ADAMTSL1: variants seen among roughly 807,000 people sequenced by gnomAD.
ADAMTSL1 encodes ADAMTS like 1.
Under a neutral mutation model 201.8 loss-of-function variants are expected in ADAMTSL1, and 126 were observed. The ratio of observed to expected loss-of-function variants is 0.62; its 90% CI spans 0.54 to 0.72. ADAMTSL1 has a LOEUF of 0.72. ADAMTSL1 is among the 30% of genes least tolerant of loss of function. The pLI, the probability that ADAMTSL1 is intolerant of heterozygous loss-of-function variation, is 0.00. For synonymous variants in ADAMTSL1, 1,121 were observed against 903.4 expected (o/e 1.24, Z -4.32); for missense variants, 2,679 against 2,277.8 (o/e 1.18, Z -3.59).
At chr9:17,986,232 A>C (rs73643484) in intron 1 of ADAMTSL1, among the ~76,000 whole-genome samples, 3,780 of 152,094 alleles carry the variant, frequency 0.025, 161 homozygotes, top group African/African-American at 0.087. Flanking sequence ...GTTTCTACTT[A>C]AGGTAAATTG....
intron 1 of ADAMTSL1, among the ~76,000 whole-genome samples, chr9:17,933,354 A>G (rs1826874400): frequency 1.3e-5 from 2 of 152,102 alleles, no homozygotes; most frequent in South Asian, 4.1e-4. Flanking sequence ...ACTCACCGGG[A>G]TAATCCAAGA....
chr9:18,628,042 C>CT (rs1826506426), intron 5 of ADAMTSL1, among the ~76,000 whole-genome samples: 2 of 152,130 alleles, frequency 1.3e-5, no homozygotes, highest in South Asian at 4.1e-4. Context: ...TCCATCATAG[C>CT]TTTTTTATTC....
intron 2 of ADAMTSL1, among the ~76,000 whole-genome samples, chr9:18,418,613 G>C (rs1176772549): frequency 6.6e-6 from 1 of 152,018 alleles, no homozygotes; most frequent in African/African-American, 2.4e-5. Flanking sequence ...GATAAAATGG[G>C]GAAAATGATA....
At chr9:18,873,259 T>C (rs534984387) in intron 23 of ADAMTSL1, among the ~76,000 whole-genome samples, 38 of 152,220 alleles carry the variant, frequency 2.5e-4, no homozygotes, top group Non-Finnish European at 5.3e-4. Context: ...TTCTGTTTAC[T>C]CTGCTGATTA....
intron 2 of ADAMTSL1, among the ~76,000 whole-genome samples, chr9:18,246,201 T>C (rs1265066495): frequency 2.0e-5 from 3 of 152,194 alleles, no homozygotes; most frequent in Admixed American, 6.5e-5. Context: ...TGCTTGGTGA[T>C]ACTGATATTG....
intron 1 of ADAMTSL1, among the ~76,000 whole-genome samples, chr9:17,952,451 A>G (rs768817123): frequency 6.6e-6 from 1 of 152,070 alleles, no homozygotes; most frequent in African/African-American, 2.4e-5. Flanking sequence ...CAGTTTACTA[A>G]CTAGTCTATC....
chr9:18,231,826 C>T (rs1229385352), intron 2 of ADAMTSL1, among the ~76,000 whole-genome samples: 1 of 152,170 alleles, frequency 6.6e-6, no homozygotes, highest in Non-Finnish European at 1.5e-5. Context: ...CTTGACTCTC[C>T]TTGGCCAGGC....
chr9:18,725,648 G>A (rs987223839), intron 15 of ADAMTSL1, among the ~76,000 whole-genome samples: 2 of 151,906 alleles, frequency 1.3e-5, no homozygotes, highest in Non-Finnish European at 2.9e-5. Context: ...AGGAATACAT[G>A]AATATTCTCA....
intron 2 of ADAMTSL1, among the ~76,000 whole-genome samples, chr9:18,457,769 T>C (rs552098769): frequency 3.9e-4 from 60 of 152,356 alleles, no homozygotes; most frequent in Admixed American, 1.6e-3. Flanking sequence ...GAGAAAGTGA[T>C]AATGCTTTTC....
chr9:18,745,263 T>C (rs1819065945), intron 15 of ADAMTSL1, among the ~76,000 whole-genome samples: 1 of 152,224 alleles, frequency 6.6e-6, no homozygotes, highest in South Asian at 2.1e-4. Context: ...TCCTTCTAGA[T>C]TATTAATAAG....
chr9:18,813,778 C>T (rs1196960636), intron 20 of ADAMTSL1, among the ~76,000 whole-genome samples: 7 of 152,152 alleles, frequency 4.6e-5, no homozygotes. Flanking sequence ...ATAACTTTTT[C>T]CTTTCCAATT....
chr9:18,816,671 A>G lies in ADAMTSL1; in HGVS notation c.3806-438A>G, dbSNP rs1025653401. 2.0e-4 allele frequency among the ~76,000 whole-genome samples: 29 copies of G among 146,604 alleles called. 1 individual carries two copies. The highest frequency in any genetic ancestry group is 2.1e-4 in the South Asian group (1 of 4,678). On this transcript the variant is annotated intron_variant, in intron 20 of 28. Coordinates refer to ENST00000380548, the MANE Select transcript of ADAMTSL1 (RefSeq NM_001040272.6). The stretch of plus-strand genomic sequence containing the variant: ...ATTTAATGATTAGAATGCATAAATC[A>G]TCTCAATTTGTATAACATGCTCTGT...
At chr9:18,226,169 GTT>G (rs1830429546) in intron 2 of ADAMTSL1, among the ~76,000 whole-genome samples, 1 of 152,040 alleles carries the variant, frequency 6.6e-6, no homozygotes, top group Non-Finnish European at 1.5e-5. Flanking sequence ...AATTAATTGT[GTT>G]TCTTTTTAAT....
At position 18,721,556 on chromosome 9, in the gene ADAMTSL1, A is replaced by C. The variant is rs768468094; in HGVS notation, c.1897A>C (p.Ser633Arg). ...CACAGGTGTCCAGGAGGCTGTGGTG[A>C]GCTGCTTGAACAAACAGACTCGGGA... ...CGGGVQEAVV[S>R]CLNKQTREPA... The change falls in exon 15 of 29, where the codon AGC becomes CGC. Residue 633 changes from serine (S) to arginine (R), a missense_variant. Transcript: ENST00000380548. 3 of 1,613,794 alleles carry C rather than the reference A, an allele frequency of 1.9e-6. No individual in the cohort carries two copies.
chr9:18,388,179 A>G (rs1837882063), intron 2 of ADAMTSL1, among the ~76,000 whole-genome samples: 1 of 151,224 alleles, frequency 6.6e-6, no homozygotes, highest in African/African-American at 2.4e-5. Flanking sequence ...AGATATCTGG[A>G]TTTTGTTATT....
Position 18,777,723 on chromosome 9 carries a change from C to T in ADAMTSL1, c.3494C>T (p.Thr1165Ile), listed in dbSNP as rs989557568. 5.6e-6 allele frequency: 9 copies of T among 1,613,410 alleles called. No individual in the cohort carries two copies. Among genetic ancestry groups the T allele is most frequent in the Non-Finnish European group, 6.8e-6 (8 of 1,179,730 alleles). Reference protein sequence around the residue: ...GGSRRPHRKPTILRKISAAQQ... With the variant: ...GGSRRPHRKPIILRKISAAQQ... ...TCTCGAAGGCCACACCGCAAGCCCACCATCCTGCGCAAGATCTCAGCGGCC... is the reference window on the plus strand; with the variant it reads ...TCTCGAAGGCCACACCGCAAGCCCATCATCCTGCGCAAGATCTCAGCGGCC... The change falls in exon 19 of 29, where the codon ACC (threonine) becomes ATC (isoleucine). Residue 1165 changes from threonine (T) to isoleucine (I), a missense_variant. Transcript: ENST00000380548.
chr9:18,182,075 G>A (rs1563791352), intron 2 of ADAMTSL1, among the ~76,000 whole-genome samples: 1 of 150,912 alleles, frequency 6.6e-6, no homozygotes. Flanking sequence ...ACTCATAGGT[G>A]GGAATTGAGC....
rs554296159 is a variant in ADAMTSL1, at chr9:17,930,328, G to T, written c.87+23406G>T. On this transcript the variant is annotated intron_variant, in intron 1 of 29. Coordinates refer to the ADAMTSL1 transcript ENST00000680146. ...TGGATGACATATGGGGGAAGGGAAT[G>T]TTGAGAATTGCACGGGTAAGTTTTC... Among the ~76,000 whole-genome samples, 7 of 152,240 alleles carry T rather than the reference G, an allele frequency of 4.6e-5. No individual in the cohort carries two copies. The East Asian group carries it at 1.4e-3, about 29-fold the overall frequency.
intron 21 of ADAMTSL1, among the ~76,000 whole-genome samples, chr9:18,825,125 G>A (rs577164634): frequency 4.6e-5 from 7 of 152,218 alleles, no homozygotes; most frequent in South Asian, 2.1e-4. Context: ...CTGTGAATCC[G>A]TGCCACATAT....
Sources: allele counts gnomAD v4.1 joint callset (sites outside exome capture counted in the v4.1 genomes callset), GRCh38; gene constraint gnomAD v4.1.1; transcripts MANE v1.5; gene names NCBI Gene and HGNC (gene_info 2026-07-23, HGNC 2026-07-21).